The following ARAP2 variants were observed in gnomAD, a reference collection of about 807,000 sequenced individuals.
The protein encoded by ARAP2 is ArfGAP with RhoGAP domain, ankyrin repeat and PH domain 2.
In ARAP2, 148 loss-of-function variants were observed where a neutral mutation model predicts 194.5. The ratio of observed to expected loss-of-function variants is 0.76; its 90% CI spans 0.67 to 0.87. ARAP2 has a LOEUF of 0.87. Among genes scored for constraint, ARAP2 ranks in the 40% least tolerant of loss-of-function variants. ARAP2 has a pLI of 0.00. For synonymous variants in ARAP2, 695 were observed against 683.5 expected (o/e 1.02, Z -0.26); for missense variants, 2,128 against 1,989.7 (o/e 1.07, Z -1.32).
intron 5 of ARAP2, among the ~76,000 whole-genome samples, chr4:36,041,918 A>G (rs1036224810): frequency 2.0e-5 from 3 of 152,340 alleles, no homozygotes; most frequent in Middle Eastern, 6.8e-3. Context: ...AAACTAACAC[A>G]GGAATGGGAA....
chr4:36,047,723 C>A (rs1722056284), intron 3 of ARAP2, among the ~76,000 whole-genome samples: 1 of 152,184 alleles, frequency 6.6e-6, no homozygotes, highest in Admixed American at 6.5e-5. Flanking sequence ...ATCCAGATAG[C>A]AGCAACAACT....
chr4:36,238,626 C>T (rs1752885721), intron 1 of ARAP2, among the ~76,000 whole-genome samples: 1 of 152,178 alleles, frequency 6.6e-6, no homozygotes, highest in Non-Finnish European at 1.5e-5. Context: ...AAGTTTTATA[C>T]ACCATTTAAG....
At chr4:36,132,881 C>A (rs181815287) in intron 20 of ARAP2, among the ~76,000 whole-genome samples, 1 of 151,660 alleles carries the variant, frequency 6.6e-6, no homozygotes, top group Non-Finnish European at 1.5e-5. Context: ...TTTAATCTAG[C>A]CTTGTAATCT....
At chr4:36,225,225 A>G (rs1750046286) in intron 2 of ARAP2, among the ~76,000 whole-genome samples, 1 of 152,152 alleles carries the variant, frequency 6.6e-6, no homozygotes, top group African/African-American at 2.4e-5. Context: ...CCCCCAAAAC[A>G]TTCAGAGGCA....
chr4:36,157,644 CA>C (rs1341892916), intron 15 of ARAP2: 1 of 152,188 alleles, frequency 6.6e-6, no homozygotes, highest in Non-Finnish European at 1.5e-5. Context: ...AACGATCTTG[CA>C]GACTTTCATG....
intron 28 of ARAP2, among the ~76,000 whole-genome samples, chr4:36,085,074 G>T (rs1188223682): frequency 1.3e-5 from 2 of 151,950 alleles, no homozygotes; most frequent in Middle Eastern, 3.4e-3. Flanking sequence ...GTTTTGATGC[G>T]GTGAACAGTT....
intron 32 of ARAP2, among the ~76,000 whole-genome samples, chr4:36,072,646 G>A (rs1170239308): frequency 2.1e-5 from 3 of 145,836 alleles, no homozygotes; most frequent in South Asian, 4.3e-4. Context: ...TCTGCAGAGC[G>A]GTTTATTACC....
intron 6 of ARAP2, among the ~76,000 whole-genome samples, chr4:36,205,300 T>TA (rs757588023): frequency 1.1e-3 from 160 of 151,226 alleles, no homozygotes; most frequent in Non-Finnish European, 1.8e-3. Context: ...ACTGAAAAGT[T>TA]AAAAAAAAAT....
At chr4:36,036,527 A>T (rs186145826) in intron 5 of ARAP2, among the ~76,000 whole-genome samples, 8 of 152,272 alleles carry the variant, frequency 5.3e-5, no homozygotes, top group Non-Finnish European at 4.4e-5. Flanking sequence ...TGAATCAATG[A>T]TAATGATTAA....
intron 21 of ARAP2, among the ~76,000 whole-genome samples, chr4:36,126,363 C>G (rs982591388): frequency 6.6e-6 from 1 of 151,748 alleles, no homozygotes; most frequent in Non-Finnish European, 1.5e-5. Flanking sequence ...ATGATATTTT[C>G]AAAATAAAGC....
intron 27 of ARAP2, among the ~76,000 whole-genome samples, chr4:36,106,508 T>A (rs1055535441): frequency 1.3e-5 from 2 of 151,980 alleles, no homozygotes; most frequent in Middle Eastern, 3.2e-3. Context: ...CAGAAGTTTA[T>A]ATGATAAGCT....
chr4:36,032,650 A>G (rs753335290), intron 5 of ARAP2, among the ~76,000 whole-genome samples: 1 of 152,168 alleles, frequency 6.6e-6, no homozygotes, highest in Non-Finnish European at 1.5e-5. Context: ...TTCTTACCTT[A>G]TGACAGATTT....
chr4:36,191,819 G>T (rs1330280108), intron 7 of ARAP2, among the ~76,000 whole-genome samples: 1 of 152,076 alleles, frequency 6.6e-6, no homozygotes, highest in Non-Finnish European at 1.5e-5. Flanking sequence ...GAAAATGGGG[G>T]TGAGTTAGAT....
chr4:36,074,083 G>T (rs1426815868), intron 31 of ARAP2, among the ~76,000 whole-genome samples: 1 of 152,066 alleles, frequency 6.6e-6, no homozygotes, highest in African/African-American at 2.4e-5. Flanking sequence ...CAAACCAAAA[G>T]GGGAAAAGTA....
chr4:36,205,013 A>G (rs1285292694), intron 6 of ARAP2, among the ~76,000 whole-genome samples: 51 of 148,864 alleles, frequency 3.4e-4, no homozygotes, highest in African/African-American at 1.2e-3. Flanking sequence ...AAAAAAAAAA[A>G]AAAAAAAAAA....
At chr4:36,084,972 G>A (rs745384322) in intron 28 of ARAP2, among the ~76,000 whole-genome samples, 6 of 152,000 alleles carry the variant, frequency 3.9e-5, no homozygotes, top group Non-Finnish European at 7.4e-5. Context: ...TATCTACACG[G>A]ATAGGGTACA....
chr4:36,210,332 G>T, intron 6 of ARAP2, 58 bp downstream of exon 6: 1 of 1,467,752 alleles, frequency 6.8e-7, no homozygotes, highest in Non-Finnish European at 9.2e-7. Flanking sequence ...GTTTAGAAAT[G>T]AATAAACTTG....
chr4:36,196,432 G>T (rs1249807251), intron 6 of ARAP2, among the ~76,000 whole-genome samples: 3 of 152,114 alleles, frequency 2.0e-5, no homozygotes, highest in Non-Finnish European at 4.4e-5. Context: ...CCCTACCACT[G>T]GCTCTCTGAG....
In ARAP2 at chr4:36,152,372, T is replaced by G. The variant is rs529585492; in HGVS notation, c.2753-1328A>C. 2.0e-5 allele frequency among the ~76,000 whole-genome samples: 3 copies of G among 152,274 alleles called. No homozygotes were observed. The South Asian group carries it at 6.2e-4, about 32-fold the overall frequency. On this transcript the variant is annotated intron_variant, in intron 15 of 32. Transcript: ENST00000303965. ...CCACAATTTTTAAATGAACACTCATTGTGAGTTTCTAAAATATAAGAAAAG... is the reference window on the plus strand; with the variant it reads ...CCACAATTTTTAAATGAACACTCATGGTGAGTTTCTAAAATATAAGAAAAG...
Sources: allele counts gnomAD v4.1 joint callset (sites outside exome capture counted in the v4.1 genomes callset), GRCh38; gene constraint gnomAD v4.1.1; transcripts MANE v1.5; gene names NCBI Gene and HGNC (gene_info 2026-07-23, HGNC 2026-07-21).